Variants in FGF13 observed in about 807,000 individuals in gnomAD.
FGF13 encodes the protein fibroblast growth factor homologous factor 2.
In FGF13, 2 loss-of-function variants were observed where a neutral mutation model predicts 19.5. That is an observed-to-expected ratio of 0.10 (90% CI 0.04 to 0.32). FGF13 has a LOEUF of 0.32. FGF13 is among the 10% of genes least tolerant of loss of function. The probability of loss-of-function intolerance (pLI) is 1.00; values close to 1 mark genes in which losing one functional copy is unlikely to be tolerated. For synonymous variants in FGF13, 72 were observed against 76.9 expected (o/e 0.94, Z 0.33); for missense variants, 113 against 192.7 (o/e 0.59, Z 2.45).
At chrX:138,661,928 CCTT>C (rs1408036778) in intron 3 of FGF13, among the ~76,000 whole-genome samples, 1 of 111,701 alleles carries the variant, frequency 9.0e-6, no homozygotes, top group African/African-American at 3.2e-5. Flanking sequence ...GGGGTTCTAA[CCTT>C]CTTTACCACC....
chrX:138,873,500 G>T (rs770007694), intron 1 of FGF13, among the ~76,000 whole-genome samples: 1 of 111,862 alleles, frequency 8.9e-6, no homozygotes, highest in East Asian at 2.8e-4. Flanking sequence ...CTAACGCAAA[G>T]GGGAAATAAA....
chrX:138,925,639 G>A (rs1367502530), intron 1 of FGF13, among the ~76,000 whole-genome samples: 1 of 111,131 alleles, frequency 9.0e-6, no homozygotes, highest in African/African-American at 3.3e-5. Flanking sequence ...CACCCCAAAA[G>A]GGATGAGTAA....
At chrX:138,982,030 G>C (rs1215808304) in intron 1 of FGF13, among the ~76,000 whole-genome samples, 1 of 111,764 alleles carries the variant, frequency 8.9e-6, no homozygotes, top group African/African-American at 3.3e-5. Flanking sequence ...CATGAGGATA[G>C]AAGTATAACT....
chrX:138,849,058 C>G (rs1324899586), intron 3 of FGF13, among the ~76,000 whole-genome samples: 1 of 111,366 alleles, frequency 9.0e-6, no homozygotes, highest in Non-Finnish European at 1.9e-5. Context: ...AGGAAGGGAA[C>G]AGCAATCATT....
At chrX:138,766,878 TACATATA>T (rs1285043578) in intron 3 of FGF13, among the ~76,000 whole-genome samples, 1 of 112,203 alleles carries the variant, frequency 8.9e-6, no homozygotes, top group Non-Finnish European at 1.9e-5. Flanking sequence ...TTCAATCTTC[TACATATA>T]GCTAGCCAAT....
chrX:138,849,513 G>C (rs147350828), intron 3 of FGF13, among the ~76,000 whole-genome samples: 120 of 112,119 alleles, frequency 1.1e-3, no homozygotes, highest in African/African-American at 3.7e-3. Flanking sequence ...AATTGGAGCA[G>C]AGGGAGCAGA....
upstream of FGF13, among the ~76,000 whole-genome samples, chrX:138,715,265 T>A (rs1381241572): frequency 8.9e-6 from 1 of 112,234 alleles, no homozygotes; most frequent in Non-Finnish European, 1.9e-5. Flanking sequence ...TAATCCTATC[T>A]CTGCCACTAA....
chrX:138,821,809 C>T (rs73241076), intron 3 of FGF13, among the ~76,000 whole-genome samples: 5,252 of 110,723 alleles, frequency 0.047, 134 homozygotes, highest in Non-Finnish European at 0.076. Context: ...GGATCAATGG[C>T]GATAAAATTG....
intron 3 of FGF13, among the ~76,000 whole-genome samples, chrX:138,692,400 T>C (rs1412642946): frequency 2.8e-5 from 3 of 108,490 alleles, no homozygotes; most frequent in Non-Finnish European, 5.8e-5. Flanking sequence ...TTTTTTTTTT[T>C]TTCTATCATG....
intron 1 of FGF13, among the ~76,000 whole-genome samples, chrX:138,890,512 A>G (rs1485946164): frequency 1.8e-5 from 2 of 111,805 alleles, no homozygotes; most frequent in Non-Finnish European, 3.8e-5. Flanking sequence ...TTTGCCAGGT[A>G]TTGAGTATTG....
At chrX:139,108,079 TC>T (rs2083572487) in intron 1 of FGF13, among the ~76,000 whole-genome samples, 1 of 111,645 alleles carries the variant, frequency 9.0e-6, no homozygotes, top group African/African-American at 3.3e-5. Context: ...AAGTTAGTTA[TC>T]ATTTTTCATA....
At chrX:139,074,382 C>G (rs1442516893) in intron 1 of FGF13, among the ~76,000 whole-genome samples, 1 of 111,717 alleles carries the variant, frequency 9.0e-6, no homozygotes, top group Non-Finnish European at 1.9e-5. Flanking sequence ...ATCTGAGAGG[C>G]AAAACCCAGT....
intron 1 of FGF13, among the ~76,000 whole-genome samples, chrX:139,127,693 T>C (rs1396378117): frequency 1.8e-5 from 2 of 111,813 alleles, no homozygotes; most frequent in African/African-American, 6.5e-5. Flanking sequence ...CTAAGGAGAA[T>C]GACATGCCAA....
At chrX:138,881,919 T>A (rs1342454357) in intron 1 of FGF13, among the ~76,000 whole-genome samples, 1 of 110,537 alleles carries the variant, frequency 9.0e-6, no homozygotes, top group Non-Finnish European at 1.9e-5. Context: ...GCTCTAATCT[T>A]TATTATTTCC....
intron 3 of FGF13, among the ~76,000 whole-genome samples, chrX:138,691,041 C>G (rs1262167919): frequency 3.6e-5 from 4 of 111,269 alleles, no homozygotes; most frequent in Non-Finnish European, 7.5e-5. Flanking sequence ...GCTTGTGGAC[C>G]ATTTTATGCT....
intron 1 of FGF13, among the ~76,000 whole-genome samples, chrX:139,123,318 G>C (rs2083691701): frequency 9.0e-6 from 1 of 111,473 alleles, no homozygotes; most frequent in Non-Finnish European, 1.9e-5. Flanking sequence ...TCTTACCATG[G>C]CTTACAAGAC....
chrX:138,894,924 G>A (rs2091495719), intron 1 of FGF13, among the ~76,000 whole-genome samples: 1 of 111,800 alleles, frequency 8.9e-6, no homozygotes, highest in African/African-American at 3.3e-5. Context: ...TAAAATACTG[G>A]CAAACCGAAT....
intron 1 of FGF13, among the ~76,000 whole-genome samples, chrX:138,930,337 C>T (rs2091695681): frequency 8.9e-6 from 1 of 112,028 alleles, no homozygotes; most frequent in Non-Finnish European, 1.9e-5. Context: ...CTGCTGTGTT[C>T]ATTTATTTAG....
At chrX:138,787,339 A>G (rs1249726691) in intron 3 of FGF13, among the ~76,000 whole-genome samples, 1 of 111,958 alleles carries the variant, frequency 8.9e-6, no homozygotes, top group African/African-American at 3.2e-5. Context: ...TGGGGCAGCT[A>G]TAACAAATTA....
Sources: allele counts gnomAD v4.1 joint callset (sites outside exome capture counted in the v4.1 genomes callset), GRCh38; gene constraint gnomAD v4.1.1; transcripts MANE v1.5; gene names NCBI Gene and HGNC (gene_info 2026-07-23, HGNC 2026-07-21).